STAT1: variants seen among roughly 807,000 people sequenced by gnomAD.
The protein encoded by STAT1 is signal transducer and activator of transcription 1, also known as signal transducer and activator of transcription 1-alpha/beta.
In STAT1, 24 loss-of-function variants were observed where a neutral mutation model predicts 111.7. The observed-to-expected ratio is 0.21, with a 90% CI of 0.16 to 0.30. STAT1 has a LOEUF of 0.30. Among genes scored for constraint, STAT1 ranks in the 10% least tolerant of loss-of-function variants. The pLI is 1.00. For missense variants in STAT1, 351 were observed against 911.9 expected, an observed-to-expected ratio of 0.38 and a Z score of 7.92; for synonymous variants, 332 against 326.5, an observed-to-expected ratio of 1.02 and a Z score of -0.18.
Position 190,991,230 on chromosome 2 carries a change from C to T in STAT1, c.1035G>A (p.Leu345=), listed in dbSNP as rs1693310084. 1 of 1,614,054 alleles carries T rather than the reference C, an allele frequency of 6.2e-7. No homozygotes were observed. Among genetic ancestry groups the T allele is most frequent in the Non-Finnish European group, 8.5e-7 (1 of 1,179,948 alleles). ...GGATGCCATCTTTCCCTTGTTACCT[C>T]AACTTCACAGTGAACTGGACCCCTG... ...LKTGVQFTVK[L]RLLVKLQELN... Residue 345 remains leucine, a splice_region_variant and synonymous_variant, in exon 11 of 25, where the codon TTG becomes TTA. Coordinates refer to ENST00000361099, the MANE Select transcript of STAT1 (RefSeq NM_007315.4).
rs1393452548 is a variant in STAT1, at chr2:191,003,157, A to G, written c.373-1994T>C. 2.0e-5 allele frequency among the ~76,000 whole-genome samples: 3 copies of G among 152,204 alleles called. No individual in the cohort carries two copies. Among genetic ancestry groups the G allele is most frequent in the Non-Finnish European group, 4.4e-5 (3 of 68,046 alleles). On this transcript the variant is annotated intron_variant, in intron 5 of 24. Coordinates refer to ENST00000361099, the MANE Select transcript of STAT1 (RefSeq NM_007315.4). This position sits in a 1 kb window ranked among gnomAD's most constrained non-coding sequence, Gnocchi z 4.0. Reference sequence around the variant, plus strand: ...CTCTCTTCATAGGAAGTTTTCCTTCATGTTACATATTCTCCAACAGCAGAA... The same window carrying G: ...CTCTCTTCATAGGAAGTTTTCCTTCGTGTTACATATTCTCCAACAGCAGAA...
rs192638716 is a variant in STAT1 at position 190,990,516 on chromosome 2, C to T, written c.1037+712G>A. On this transcript the variant is annotated intron_variant, in intron 11 of 24. Coordinates refer to ENST00000361099, the MANE Select transcript of STAT1 (RefSeq NM_007315.4). The surrounding 1 kb of genome is among the most constrained non-coding windows in gnomAD (Gnocchi z 5.1). The stretch of plus-strand genomic sequence containing the variant: ...CCACATATTCCTGGAAACACTTCTA[C>T]AATTAGTATCGAGGAGAAAGACTAC... 2.0e-3 allele frequency among the ~76,000 whole-genome samples: 310 copies of T among 152,284 alleles called. 2 individuals are homozygous for T. Among genetic ancestry groups the T allele is most frequent in the African/African-American group, 6.8e-3 (284 of 41,560 alleles).
At position 190,979,220 on chromosome 2, in the gene STAT1, CAGT is replaced by C. The variant is rs1341639311; in HGVS notation, c.1728-222_1728-220del. Among the ~76,000 whole-genome samples the C allele has an allele frequency of 2.0e-5, 3 of 152,204 alleles. No individual in the cohort carries two copies. The highest frequency in any genetic ancestry group is 6.5e-5 in the Admixed American group (1 of 15,280). On this transcript the variant is annotated intron_variant, in intron 20 of 24. Coordinates refer to ENST00000361099, the MANE Select transcript of STAT1 (RefSeq NM_007315.4). The surrounding 1 kb of genome is among the most constrained non-coding windows in gnomAD (Gnocchi z 5.8). ...AAAAAAAGCGATATGAACATGGTGT[CAGT>C]AGGATGCTACAGATGCTCAATAACA...
rs369352927 is a variant in STAT1 at position 191,004,925 on chromosome 2, C to T, written c.372+2638G>A. 1.6e-4 allele frequency among the ~76,000 whole-genome samples: 24 copies of T among 152,082 alleles called. No individual in the cohort carries two copies. Among genetic ancestry groups the T allele is most frequent in the African/African-American group, 5.3e-4 (22 of 41,394 alleles). ...CCTAAATTTTTGTCTAGACATGCAA[C>T]TAGCTTTTTCACCACAAAGAAAAAA... On this transcript the variant is annotated intron_variant, in intron 5 of 24. Coordinates refer to ENST00000361099, the MANE Select transcript of STAT1 (RefSeq NM_007315.4). This position sits in a 1 kb window ranked among gnomAD's most constrained non-coding sequence, Gnocchi z 5.0.
rs1407104866 is a variant in STAT1 at position 190,981,164 on chromosome 2, G to A, written c.1583-495C>T. Among the ~76,000 whole-genome samples, 1 of 152,108 alleles carries A rather than the reference G, an allele frequency of 6.6e-6. No individual in the cohort carries two copies. Among genetic ancestry groups the A allele is most frequent in the African/African-American group, 2.4e-5 (1 of 41,404 alleles). ...TCCTAGAGAAGCCTCCCTATCCAGT[G>A]CCTCTTCCCACTGCCTTCCTCTGCT... is the stretch of plus-strand genomic sequence containing the variant. On this transcript the variant is annotated intron_variant, in intron 18 of 24. Coordinates refer to ENST00000361099, the MANE Select transcript of STAT1 (RefSeq NM_007315.4). This position sits in a 1 kb window ranked among gnomAD's most constrained non-coding sequence, Gnocchi z 4.1.
At chr2:190,988,096 C>G (rs1385179901) in intron 12 of STAT1, among the ~76,000 whole-genome samples, 4 of 152,078 alleles carry the variant, frequency 2.6e-5, no homozygotes, top group Non-Finnish European at 5.9e-5. Context: ...TCTCAGCTGG[C>G]CTTGATTTGC....
rs1692150782 is a variant in STAT1, at chr2:190,979,218, G to A, written c.1728-217C>T. Among the ~76,000 whole-genome samples the A allele has an allele frequency of 6.6e-6, 1 of 152,182 alleles. No homozygotes were observed. Among genetic ancestry groups the A allele is most frequent in the South Asian group, 2.1e-4 (1 of 4,828 alleles). On this transcript the variant is annotated intron_variant, in intron 20 of 24. Coordinates refer to ENST00000361099, the MANE Select transcript of STAT1 (RefSeq NM_007315.4). The surrounding 1 kb of genome is among the most constrained non-coding windows in gnomAD (Gnocchi z 5.8). The stretch of plus-strand genomic sequence containing the variant: ...TTAAAAAAAGCGATATGAACATGGT[G>A]TCAGTAGGATGCTACAGATGCTCAA...
chr2:191,007,769 T>C lies in STAT1; in HGVS notation c.274-108A>G. 2.5e-6 allele frequency: 2 copies of C among 797,082 alleles called. No individual in the cohort carries two copies. The highest frequency in any genetic ancestry group is 4.3e-6 in the Non-Finnish European group (2 of 468,590). 49.4% of individuals were successfully genotyped at this position (797,082 alleles called of 1,614,324 possible). A position where few individuals can be genotyped will look rare whatever the true frequency, so the allele number is the denominator to read the frequency against. On this transcript the variant is annotated intron_variant, in intron 4 of 24. Transcript: ENST00000361099. The surrounding 1 kb of genome is among the most constrained non-coding windows in gnomAD (Gnocchi z 4.2). ...TTTATATTCTCCGGGAAACCTCATC[T>C]CTCATCTATTAAATTCTATATAAGC... is the stretch of plus-strand genomic sequence containing the variant.
intron 2 of STAT1, among the ~76,000 whole-genome samples, chr2:191,010,716 T>C (rs1695055694): frequency 6.6e-6 from 1 of 152,264 alleles, no homozygotes; most frequent in Non-Finnish European, 1.5e-5. Context: ...ATATATTTTC[T>C]TCTTTGCCTA....
In STAT1 at chr2:191,012,385, C is replaced by T. The variant is rs924630719; in HGVS notation, c.-2+1140G>A. On this transcript the variant is annotated intron_variant, in intron 2 of 24. Coordinates refer to ENST00000361099, the MANE Select transcript of STAT1 (RefSeq NM_007315.4). The surrounding 1 kb of genome is among the most constrained non-coding windows in gnomAD (Gnocchi z 4.0). ...GAGCTGAGATCGCGCCACTGTACTC[C>T]AGCCTGGGAGACAGAGAGAGACTCT... Among the ~76,000 whole-genome samples the T allele has an allele frequency of 6.6e-6, 1 of 151,068 alleles. No homozygotes were observed. Among genetic ancestry groups the T allele is most frequent in the African/African-American group, 2.4e-5 (1 of 40,922 alleles).
Position 191,013,570 on chromosome 2 carries a change from A to G in STAT1, c.-47T>C, listed in dbSNP as rs1215740346. ...AAGGGCCTGGGGATTCAACCAAAGG[A>G]GCAGCTACGCACAGCACGTTAGGTG... On this transcript the variant is annotated 5_prime_UTR_variant, in exon 2 of 25. Transcript: ENST00000361099. 2 of 398,482 alleles carry G rather than the reference A, an allele frequency of 5.0e-6. No individual in the cohort carries two copies. Among genetic ancestry groups the G allele is most frequent in the Non-Finnish European group, 8.8e-6 (2 of 226,074 alleles). The allele number at this position is 398,482 out of a possible 1,614,324, so 24.7% of individuals were successfully genotyped here.
In STAT1 at chr2:190,971,191, C is replaced by G. The variant is rs1199854143; in HGVS notation, c.2239-474G>C. 6.6e-6 allele frequency among the ~76,000 whole-genome samples: 1 copy of G among 152,128 alleles called. No individual in the cohort carries two copies. Among genetic ancestry groups the G allele is most frequent in the East Asian group, 1.9e-4 (1 of 5,200 alleles). ...GCAGAATTACTAAGAACCCCTTCAC[C>G]TTCCCCACCAGTGCCTTCTGCCCAG... On this transcript the variant is annotated intron_variant, in intron 24 of 24. Transcript: ENST00000361099. This position sits in a 1 kb window ranked among gnomAD's most constrained non-coding sequence, Gnocchi z 4.1.
At position 190,993,320 on chromosome 2, in the gene STAT1, C is replaced by A; in HGVS notation, c.944+1741G>T. On this transcript the variant is annotated intron_variant, in intron 10 of 24. Transcript: ENST00000361099. This position sits in a 1 kb window ranked among gnomAD's most constrained non-coding sequence, Gnocchi z 4.1. ...ATACACCACTAGGATGCCATTGGCT[C>A]CTCTGTAATAACTGGAGATGACTGT... 1.3e-6 allele frequency: 1 copy of A among 762,916 alleles called. No homozygotes were observed. The highest frequency in any genetic ancestry group is 1.5e-5 in the South Asian group (1 of 68,918). The allele number at this position is 762,916 out of a possible 1,614,324, so 47.3% of individuals were successfully genotyped here. A position where few individuals can be genotyped will look rare whatever the true frequency, so the allele number is the denominator to read the frequency against.
intron 2 of STAT1, 22 bp from the exon 3 acceptor site, chr2:191,010,026 A>G (rs1453455739): frequency 1.9e-6 from 3 of 1,613,234 alleles, no homozygotes; most frequent in East Asian, 2.2e-5. Flanking sequence ...AAGAATATAC[A>G]TTCTTTCTAT....
rs1303891868 is a variant in STAT1 at position 190,980,253 on chromosome 2, C to T, written c.1632+367G>A. On this transcript the variant is annotated intron_variant, in intron 19 of 24. Transcript: ENST00000361099. The surrounding 1 kb of genome is among the most constrained non-coding windows in gnomAD (Gnocchi z 6.1). Reference sequence around the variant, plus strand: ...GAATCTAAATGTTCCCCGCAGTGGGCCCCTCTGCTCGAGCAGGCCGTTAAA... The same window carrying T: ...GAATCTAAATGTTCCCCGCAGTGGGTCCCTCTGCTCGAGCAGGCCGTTAAA... Among the ~76,000 whole-genome samples, 2 of 152,270 alleles carry T rather than the reference C, an allele frequency of 1.3e-5. No individual in the cohort carries two copies. The highest frequency in any genetic ancestry group is 2.4e-5 in the African/African-American group (1 of 41,480).
chr2:191,007,971 T>C lies in STAT1; in HGVS notation c.274-310A>G. ...ATTTCTTAAGGCCAATTATCTTTGG[T>C]TAGGATCCCGAGACAATGCAAATGA... is the stretch of plus-strand genomic sequence containing the variant. On this transcript the variant is annotated intron_variant, in intron 4 of 24. Transcript: ENST00000361099. This position sits in a 1 kb window ranked among gnomAD's most constrained non-coding sequence, Gnocchi z 4.2. 2.1e-6 allele frequency: 1 copy of C among 481,844 alleles called. No individual in the cohort carries two copies. Among genetic ancestry groups the C allele is most frequent in the Non-Finnish European group, 4.0e-6 (1 of 246,990 alleles). The allele number at this position is 481,844 out of a possible 1,614,324, so 29.8% of individuals were successfully genotyped here. A position where few individuals can be genotyped will look rare whatever the true frequency, so the allele number is the denominator to read the frequency against.
chr2:190,991,372 G>A (rs1693324149), intron 10 of STAT1, 52 bp from the exon 11 acceptor site: 2 of 1,556,402 alleles, frequency 1.3e-6, no homozygotes, highest in Admixed American at 1.7e-5. Flanking sequence ...TTAAGGTTGA[G>A]GCAATCACAA....
rs1691701341 is a variant in STAT1 at position 190,973,967 on chromosome 2, C to T, written c.2238+863G>A. On this transcript the variant is annotated intron_variant, in intron 24 of 24. Coordinates refer to ENST00000361099, the MANE Select transcript of STAT1 (RefSeq NM_007315.4). This position sits in a 1 kb window ranked among gnomAD's most constrained non-coding sequence, Gnocchi z 4.4. ...TCACCTTTCCCCTCCCTGCCTTCCT[C>T]TCTTTGTTGAGCACCTACTTTTTGC... Among the ~76,000 whole-genome samples the T allele has an allele frequency of 6.6e-6, 1 of 152,172 alleles. No homozygotes were observed. Among genetic ancestry groups the T allele is most frequent in the Non-Finnish European group, 1.5e-5 (1 of 68,026 alleles).
At position 190,987,016 on chromosome 2, in the gene STAT1, A is replaced by G. The variant is rs1459518479; in HGVS notation, c.1127+23T>C. The G allele has an allele frequency of 1.4e-5, 23 of 1,611,534 alleles. No individual in the cohort carries two copies. Among genetic ancestry groups the G allele is most frequent in the Non-Finnish European group, 1.9e-5 (22 of 1,177,800 alleles). On this transcript the variant is annotated intron_variant, in intron 13 of 24. Coordinates refer to ENST00000361099, the MANE Select transcript of STAT1 (RefSeq NM_007315.4). The surrounding 1 kb of genome is among the most constrained non-coding windows in gnomAD (Gnocchi z 4.0). Reference sequence around the variant, plus strand: ...TAAATAAATAAAAATATAGCACAGTATAGCGTAAAGTACGTCACGTACCCT... The same window carrying G: ...TAAATAAATAAAAATATAGCACAGTGTAGCGTAAAGTACGTCACGTACCCT...
Sources: gnomAD v4.1 joint callset for allele counts (sites outside exome capture counted in the v4.1 genomes callset) on GRCh38, gnomAD v4.1.1 for gene constraint, Gnocchi (gnomAD v3.1) non-coding constraint, MANE v1.5 for transcripts, NCBI Gene and HGNC (gene_info 2026-07-23, HGNC 2026-07-21) for gene names.